ADAMTSL1: variants seen among roughly 807,000 people sequenced by gnomAD.
ADAMTSL1 encodes the protein ADAMTS-like protein 1.
Under a neutral mutation model 201.8 loss-of-function variants are expected in ADAMTSL1, and 126 were observed. The ratio of observed to expected loss-of-function variants is 0.62; its 90% CI spans 0.54 to 0.72. The LOEUF (loss-of-function observed/expected upper bound fraction) is 0.72, where lower values mean the gene tolerates loss of function less well. Ranked by LOEUF, ADAMTSL1 falls within the 30% of genes least tolerant of loss-of-function variation. ADAMTSL1 has a pLI of 0.00. For synonymous variants in ADAMTSL1, 1,121 were observed against 903.4 expected (o/e 1.24, Z -4.32); for missense variants, 2,679 against 2,277.8 (o/e 1.18, Z -3.59).
At chr9:18,399,328 T>TATATATAA (rs1491459278) in intron 2 of ADAMTSL1, among the ~76,000 whole-genome samples, 2 of 107,724 alleles carry the variant, frequency 1.9e-5, no homozygotes, top group Non-Finnish European at 3.9e-5. Flanking sequence ...TATATATATA[T>TATATATAA]AAAATTATTA....
rs7870216 is a variant in ADAMTSL1, at chr9:18,806,120, A to T, written c.3805+10596A>T. 7.8e-3 allele frequency among the ~76,000 whole-genome samples: 1,183 copies of T among 152,324 alleles called. 19 individuals carry two copies. The highest frequency in any genetic ancestry group is 0.027 in the African/African-American group (1,116 of 41,578). ...AAGGAATGGAAGGAAGACCCATTGGATCCATCCATTCAGGGTCAACAAACG... is the reference window on the plus strand; with the variant it reads ...AAGGAATGGAAGGAAGACCCATTGGTTCCATCCATTCAGGGTCAACAAACG... On this transcript the variant is annotated intron_variant, in intron 20 of 28. Transcript: ENST00000380548.
At chr9:18,435,316 T>C (rs1423493014) in intron 2 of ADAMTSL1, among the ~76,000 whole-genome samples, 2 of 152,212 alleles carry the variant, frequency 1.3e-5, no homozygotes, top group African/African-American at 4.8e-5. Context: ...AGGTAGACTT[T>C]AGCAAATATT....
At chr9:18,409,080 C>T (rs1219618651) in intron 2 of ADAMTSL1, among the ~76,000 whole-genome samples, 1 of 151,834 alleles carries the variant, frequency 6.6e-6, no homozygotes, top group Non-Finnish European at 1.5e-5. Flanking sequence ...ATCTATTTTT[C>T]AAATCGGAAG....
chr9:18,757,740 G>T (rs1819855122), intron 16 of ADAMTSL1, among the ~76,000 whole-genome samples: 1 of 152,128 alleles, frequency 6.6e-6, no homozygotes, highest in South Asian at 2.1e-4. Flanking sequence ...ACCCACTCAG[G>T]TGCTTTCTCA....
rs1306997798 is a variant in ADAMTSL1, at chr9:18,427,113, A to T, written c.208-77716A>T. On this transcript the variant is annotated intron_variant, in intron 2 of 29. Coordinates refer to the ADAMTSL1 transcript ENST00000680146. Reference sequence around the variant, plus strand: ...CAAATGGTTTTTTCTTCCATCTGCCAGTCTAATCATCTAAGACAAATCTTG... The same window carrying T: ...CAAATGGTTTTTTCTTCCATCTGCCTGTCTAATCATCTAAGACAAATCTTG... Among the ~76,000 whole-genome samples the T allele has an allele frequency of 2.6e-5, 4 of 152,218 alleles. No homozygotes were observed. The East Asian group carries it at 7.7e-4, about 29-fold the overall frequency.
chr9:17,918,642 G>T (rs753115618), intron 1 of ADAMTSL1, among the ~76,000 whole-genome samples: 1 of 151,470 alleles, frequency 6.6e-6, no homozygotes, highest in Non-Finnish European at 1.5e-5. Context: ...TTCCCGATCA[G>T]TTTTGCTATT....
chr9:18,424,030 G>A (rs1819083960), intron 2 of ADAMTSL1, among the ~76,000 whole-genome samples: 1 of 152,186 alleles, frequency 6.6e-6, no homozygotes, highest in African/African-American at 2.4e-5. Context: ...ACATGAGAAT[G>A]TTTGAGTTAC....
chr9:18,770,923 G>T (rs1045287295), intron 17 of ADAMTSL1, 142 bp downstream of exon 17: 4 of 912,288 alleles, frequency 4.4e-6, no homozygotes, highest in East Asian at 5.4e-5. Flanking sequence ...CATATATACC[G>T]TAGTGTGTAA....
intron 5 of ADAMTSL1, among the ~76,000 whole-genome samples, chr9:18,625,279 T>C (rs1024234258): frequency 4.8e-4 from 73 of 152,200 alleles, no homozygotes; most frequent in African/African-American, 1.6e-3. Context: ...CAAGTTTTTT[T>C]TTTTTTTCCC....
chr9:18,631,878 A>T (rs1292457971), intron 5 of ADAMTSL1, among the ~76,000 whole-genome samples: 1 of 152,218 alleles, frequency 6.6e-6, no homozygotes, highest in Non-Finnish European at 1.5e-5. Context: ...TGAATGGAGA[A>T]ATGGGTTATC....
chr9:18,649,795 C>T (rs1291488221), intron 7 of ADAMTSL1, among the ~76,000 whole-genome samples: 2 of 152,022 alleles, frequency 1.3e-5, no homozygotes, highest in Admixed American at 6.6e-5. Context: ...TCAGTCTGCC[C>T]CTACTGGGGG....
intron 1 of ADAMTSL1, among the ~76,000 whole-genome samples, chr9:18,145,956 CAGAT>C (rs1826621387): frequency 6.6e-6 from 1 of 152,060 alleles, no homozygotes; most frequent in South Asian, 2.1e-4. Context: ...AGAGAATACA[CAGAT>C]GGAAAAATAA....
intron 2 of ADAMTSL1, among the ~76,000 whole-genome samples, chr9:18,521,014 G>C (rs779912989): frequency 5.9e-5 from 9 of 152,072 alleles, no homozygotes; most frequent in Non-Finnish European, 1.0e-4. Context: ...CCTTTCCACT[G>C]GTGGTTATAT....
intron 2 of ADAMTSL1, among the ~76,000 whole-genome samples, chr9:18,343,109 T>G (rs1282946928): frequency 6.6e-6 from 1 of 151,988 alleles, no homozygotes; most frequent in South Asian, 2.1e-4. Context: ...GAGGATTGCT[T>G]GAGGCCAGGA....
intron 1 of ADAMTSL1, among the ~76,000 whole-genome samples, chr9:18,007,817 T>C (rs1002438329): frequency 1.3e-5 from 2 of 151,966 alleles, no homozygotes; most frequent in Non-Finnish European, 2.9e-5. Context: ...CTGGGGAGAA[T>C]AGACTTGATT....
At chr9:18,695,617 G>C (rs772161034) in intron 13 of ADAMTSL1, among the ~76,000 whole-genome samples, 21 of 152,254 alleles carry the variant, frequency 1.4e-4, no homozygotes, top group Non-Finnish European at 3.1e-4. Context: ...AGGTGCCTGA[G>C]ACCACCTCCC....
At chr9:18,896,552 T>G (rs552792156) in intron 26 of ADAMTSL1, among the ~76,000 whole-genome samples, 5 of 152,256 alleles carry the variant, frequency 3.3e-5, no homozygotes, top group Admixed American at 1.3e-4. Context: ...TCATTGGGAC[T>G]GACTAGGCAA....
At chr9:18,781,486 T>C (rs1411669960) in intron 19 of ADAMTSL1, among the ~76,000 whole-genome samples, 1 of 152,228 alleles carries the variant, frequency 6.6e-6, no homozygotes, top group African/African-American at 2.4e-5. Context: ...GTTTTCTCTA[T>C]CTTTCAAGTT....
intron 2 of ADAMTSL1, among the ~76,000 whole-genome samples, chr9:18,246,118 A>G (rs936323056): frequency 6.6e-6 from 1 of 152,072 alleles, no homozygotes; most frequent in Non-Finnish European, 1.5e-5. Flanking sequence ...AACAATCAAG[A>G]CTTTTATTTT....
Sources: allele counts gnomAD v4.1 joint callset (sites outside exome capture counted in the v4.1 genomes callset), GRCh38; gene constraint gnomAD v4.1.1; transcripts MANE v1.5; gene names NCBI Gene and HGNC (gene_info 2026-07-23, HGNC 2026-07-21).